CSNK1G1: variants seen among roughly 807,000 people sequenced by gnomAD.
CSNK1G1 encodes the protein casein kinase I isoform gamma-1.
A neutral mutation model predicts 59.6 loss-of-function variants in CSNK1G1; 22 were observed. That is an observed-to-expected ratio of 0.37 (90% confidence interval 0.26 to 0.53). CSNK1G1 has a LOEUF of 0.53. Ranked by LOEUF, CSNK1G1 falls within the 20% of genes least tolerant of loss-of-function variation. The probability of loss-of-function intolerance (pLI) is 0.89; values close to 1 mark genes in which losing one functional copy is unlikely to be tolerated. For missense variants in CSNK1G1, 384 were observed against 519.5 expected (o/e 0.74, Z 2.54); for synonymous variants, 179 against 177.1 (o/e 1.01, Z -0.08).
intron 1 of CSNK1G1, among the ~76,000 whole-genome samples, chr15:64,325,058 T>C (rs1281659395): frequency 6.6e-6 from 1 of 152,230 alleles, no homozygotes; most frequent in Non-Finnish European, 1.5e-5. Flanking sequence ...ATCTGAATCA[T>C]GAGAACTTGA....
chr15:64,300,654 A>C lies in CSNK1G1; in HGVS notation c.-155T>G. The C allele has an allele frequency of 7.8e-7, 1 of 1,287,384 alleles. No homozygotes were observed. Among genetic ancestry groups the C allele is most frequent in the Non-Finnish European group, 9.9e-7 (1 of 1,014,170 alleles). 79.7% of individuals were successfully genotyped at this position (1,287,384 alleles called of 1,614,324 possible). On this transcript the variant is annotated 5_prime_UTR_variant, in exon 2 of 12. Transcript: ENST00000303052. ...GTTTGTAATGTATCTCCGGGAGATG[A>C]AAAACCATTTATTTGTTCCCGTAGG...
In CSNK1G1 at chr15:64,166,350, C is replaced by A. The variant is rs940567976; in HGVS notation, c.*5581G>T. 1 of 220,448 alleles carries A rather than the reference C, an allele frequency of 4.5e-6. No individual in the cohort carries two copies. The highest frequency in any genetic ancestry group is 2.3e-5 in the African/African-American group (1 of 44,008). The allele number at this position is 220,448 out of a possible 1,614,324, so 13.7% of individuals were successfully genotyped here. On this transcript the variant is annotated 3_prime_UTR_variant, in exon 12 of 12. Transcript: ENST00000303052. This position sits in a 1 kb window ranked among gnomAD's most constrained non-coding sequence, Gnocchi z 4.5. ...GTATATATTTTTGGTTTATCTTTAT[C>A]TTTTCTGCTGTTATTTTTTTTCTCT...
chr15:64,311,859 G>A (rs949599687), intron 1 of CSNK1G1, among the ~76,000 whole-genome samples: 2 of 151,962 alleles, frequency 1.3e-5, no homozygotes, highest in African/African-American at 4.8e-5. Flanking sequence ...CAGCCTGGGC[G>A]ACAGAGTGAG....
intron 4 of CSNK1G1, among the ~76,000 whole-genome samples, chr15:64,225,285 A>G (rs755118931): frequency 6.6e-6 from 1 of 152,014 alleles, no homozygotes; most frequent in Non-Finnish European, 1.5e-5. Flanking sequence ...AGGGTCTGGA[A>G]ACAGTAAACC....
chr15:64,282,837 A>G (rs1894216211), intron 2 of CSNK1G1, among the ~76,000 whole-genome samples: 1 of 152,174 alleles, frequency 6.6e-6, no homozygotes, highest in African/African-American at 2.4e-5. Flanking sequence ...ATCTGATTCT[A>G]GTCACCCTAG....
chr15:64,303,866 G>A (rs374456948), intron 1 of CSNK1G1, among the ~76,000 whole-genome samples: 11 of 147,392 alleles, frequency 7.5e-5, no homozygotes, highest in African/African-American at 2.8e-4. Context: ...GACGCAGTGA[G>A]CCATGATCGT....
chr15:64,334,472 T>C (rs542191565), intron 1 of CSNK1G1, among the ~76,000 whole-genome samples: 5 of 152,332 alleles, frequency 3.3e-5, no homozygotes, highest in African/African-American at 1.2e-4. Context: ...ATTTCCATTA[T>C]TATTACATTG....
chr15:64,323,056 A>AG (rs1896648487), intron 1 of CSNK1G1, among the ~76,000 whole-genome samples: 1 of 151,826 alleles, frequency 6.6e-6, no homozygotes, highest in South Asian at 2.1e-4. Flanking sequence ...CTGAGTACCT[A>AG]GGACTACAGG....
chr15:64,258,600 A>T (rs1001412469), intron 3 of CSNK1G1, among the ~76,000 whole-genome samples: 1 of 152,134 alleles, frequency 6.6e-6, no homozygotes, highest in African/African-American at 2.4e-5. Flanking sequence ...TATCAACCTT[A>T]AATATAAGAT....
At chr15:64,187,608 C>G (rs2081914828) in intron 10 of CSNK1G1, among the ~76,000 whole-genome samples, 2 of 152,252 alleles carry the variant, frequency 1.3e-5, no homozygotes, top group East Asian at 1.9e-4. Flanking sequence ...ACAGCATATC[C>G]TAGATGATCA....
chr15:64,221,830 A>C (rs2082392240), intron 4 of CSNK1G1, among the ~76,000 whole-genome samples: 2 of 152,120 alleles, frequency 1.3e-5, no homozygotes, highest in South Asian at 4.1e-4. Flanking sequence ...TGTTGGTAGG[A>C]ATGTAAATTA....
At chr15:64,223,858 G>T (rs1007753419) in intron 4 of CSNK1G1, among the ~76,000 whole-genome samples, 1 of 152,120 alleles carries the variant, frequency 6.6e-6, no homozygotes, top group African/African-American at 2.4e-5. Context: ...TAGAACACTA[G>T]AGCTAATTTT....
chr15:64,222,061 T>C (rs182370872), intron 4 of CSNK1G1, among the ~76,000 whole-genome samples: 374 of 151,606 alleles, frequency 2.5e-3, no homozygotes, highest in Non-Finnish European at 4.3e-3. Context: ...ATAAAGAAAA[T>C]ATGGTACATA....
chr15:64,303,874 C>T (rs1231467224), intron 1 of CSNK1G1, among the ~76,000 whole-genome samples: 2 of 145,478 alleles, frequency 1.4e-5, no homozygotes, highest in African/African-American at 2.6e-5. Context: ...GAGCCATGAT[C>T]GTGCCACTGC....
At chr15:64,317,465 A>G (rs2140433116) in intron 1 of CSNK1G1, among the ~76,000 whole-genome samples, 1 of 150,054 alleles carries the variant, frequency 6.7e-6, no homozygotes, top group African/African-American at 2.4e-5. Flanking sequence ...AGGTTTTCCT[A>G]TTATGAACTA....
At chr15:64,316,088 A>G (rs1048655542) in intron 1 of CSNK1G1, among the ~76,000 whole-genome samples, 1 of 152,134 alleles carries the variant, frequency 6.6e-6, no homozygotes, top group African/African-American at 2.4e-5. Context: ...GTGCAGTAGC[A>G]TGGTCAGAGC....
chr15:64,278,149 C>T (rs938344213), intron 2 of CSNK1G1, among the ~76,000 whole-genome samples: 9 of 150,602 alleles, frequency 6.0e-5, no homozygotes, highest in Non-Finnish European at 1.2e-4. Flanking sequence ...CGGTTTCAAG[C>T]AATTCTCCCA....
chr15:64,344,800 C>T (rs1401471332), intron 1 of CSNK1G1, among the ~76,000 whole-genome samples: 1 of 152,152 alleles, frequency 6.6e-6, no homozygotes, highest in Non-Finnish European at 1.5e-5. Flanking sequence ...CTTAAGTAGT[C>T]TCAGCTGTAA....
At chr15:64,268,534 T>C (rs374828581) in intron 2 of CSNK1G1, among the ~76,000 whole-genome samples, 3 of 152,212 alleles carry the variant, frequency 2.0e-5, no homozygotes, top group East Asian at 1.9e-4. Context: ...GTTCTCCTCA[T>C]GTCTGTGTGG....
Sources: allele counts gnomAD v4.1 joint callset (sites outside exome capture counted in the v4.1 genomes callset), GRCh38; gene constraint gnomAD v4.1.1; non-coding constraint Gnocchi (gnomAD v3.1); transcripts MANE v1.5; gene names NCBI Gene and HGNC (gene_info 2026-07-23, HGNC 2026-07-21).